The following UBASH3A variants were observed in gnomAD, a reference collection of about 807,000 sequenced individuals.
UBASH3A encodes the protein ubiquitin associated and SH3 domain containing A, also known as ubiquitin-associated and SH3 domain-containing protein A.
In UBASH3A, 63 loss-of-function variants were observed where a neutral mutation model predicts 73.5. The observed-to-expected ratio is 0.86, with a 90% CI of 0.70 to 1.06. UBASH3A has a LOEUF of 1.06. Ranked by LOEUF, UBASH3A falls within the 50% of genes least tolerant of loss-of-function variation. The pLI is 0.00. For missense variants in UBASH3A, 860 were observed against 859.0 expected (o/e 1.00, Z -0.02); for synonymous variants, 363 against 351.1 (o/e 1.03, Z -0.38).
chr21:42,418,293 A>G (rs2053263060), intron 6 of UBASH3A, 108 bp from the exon 7 acceptor site: 8 of 925,026 alleles, frequency 8.6e-6, no homozygotes, highest in Non-Finnish European at 1.4e-5. Context: ...CACAGAACAC[A>G]TTGGAGGGGC....
intron 8 of UBASH3A, among the ~76,000 whole-genome samples, chr21:42,427,713 C>T (rs2053462445): frequency 6.6e-6 from 1 of 152,288 alleles, no homozygotes; most frequent in East Asian, 1.9e-4. Context: ...CACGGCCAGG[C>T]CCCTGGTGCG....
intron 7 of UBASH3A, among the ~76,000 whole-genome samples, chr21:42,423,584 G>A (rs2053381286): frequency 2.0e-5 from 3 of 152,326 alleles, no homozygotes; most frequent in South Asian, 4.1e-4. Context: ...CTCTGCCCGG[G>A]ATGGGAGAGT....
At chr21:42,418,062 T>C (rs1286384197) in intron 6 of UBASH3A, among the ~76,000 whole-genome samples, 1 of 151,902 alleles carries the variant, frequency 6.6e-6, no homozygotes, top group Non-Finnish European at 1.5e-5. Flanking sequence ...TTTTGTATTT[T>C]CAGTAGAGAC....
intron 10 of UBASH3A, among the ~76,000 whole-genome samples, chr21:42,436,406 G>A (rs1422654975): frequency 6.6e-6 from 1 of 152,132 alleles, no homozygotes; most frequent in Non-Finnish European, 1.5e-5. Flanking sequence ...GGGAGGAGAT[G>A]GTGGTCCCAG....
In UBASH3A at chr21:42,443,120, G is replaced by A. The variant is rs949694866; in HGVS notation, c.1632-192G>A. 61 of 1,379,978 alleles carry A rather than the reference G, an allele frequency of 4.4e-5. No homozygotes were observed. In the Middle Eastern group the frequency reaches 5.7e-4, roughly 13 times the overall value. 85.5% of individuals were successfully genotyped at this position (1,379,978 alleles called of 1,614,324 possible). On this transcript the variant is annotated intron_variant, in intron 12 of 14. Transcript: ENST00000319294. ...AGCCCTCCTGGTGTTGAGTAAGAAT[G>A]TGTGCTGGAGATTGACTGTCAGTGC... is the stretch of plus-strand genomic sequence containing the variant.
rs1264836723 is a variant in UBASH3A at position 42,447,205 on chromosome 21, G to T, written c.*11G>T. 1 of 1,612,992 alleles carries T rather than the reference G, an allele frequency of 6.2e-7. No homozygotes were observed. The highest frequency in any genetic ancestry group is 8.5e-7 in the Non-Finnish European group (1 of 1,179,594). ...ATCTCAGGCAACTGAGAGCCACGGTGATGTTGTCATAACCTCAGAGTGGAG... is the reference window on the plus strand; with the variant it reads ...ATCTCAGGCAACTGAGAGCCACGGTTATGTTGTCATAACCTCAGAGTGGAG... On this transcript the variant is annotated 3_prime_UTR_variant, in exon 15 of 15. Coordinates refer to ENST00000319294, the MANE Select transcript of UBASH3A (RefSeq NM_018961.4).
At chr21:42,423,748 A>G (rs1281818436) in intron 7 of UBASH3A, among the ~76,000 whole-genome samples, 1 of 152,226 alleles carries the variant, frequency 6.6e-6, no homozygotes, top group Non-Finnish European at 1.5e-5. Flanking sequence ...TTTCCAGAGG[A>G]ACTTTCTCTT....
At chr21:42,444,382 G>A (rs1341007965) in intron 13 of UBASH3A, 152 bp from the exon 14 acceptor site, 16 of 680,894 alleles carry the variant, frequency 2.3e-5, no homozygotes, top group East Asian at 2.2e-4. Flanking sequence ...ATCACTGAGC[G>A]GTTACCAGCC....
intron 7 of UBASH3A, among the ~76,000 whole-genome samples, chr21:42,422,289 T>G (rs1156497092): frequency 3.3e-5 from 5 of 152,260 alleles, no homozygotes; most frequent in Non-Finnish European, 7.3e-5. Flanking sequence ...ATTGATGTGT[T>G]GACTCCTAAT....
At chr21:42,406,422 A>T in intron 2 of UBASH3A, 61 bp downstream of exon 2, 1 of 1,398,948 alleles carries the variant, frequency 7.1e-7, no homozygotes, top group Non-Finnish European at 1.0e-6. Flanking sequence ...GTGCCTAAGG[A>T]CTCCCTCCCA....
At chr21:42,426,629 G>A in intron 7 of UBASH3A, 68 bp from the exon 8 acceptor site, 1 of 1,584,592 alleles carries the variant, frequency 6.3e-7, no homozygotes, top group Non-Finnish European at 8.6e-7. Context: ...TACATGACCA[G>A]ATGCTGGGTC....
rs1285364071 is a variant in UBASH3A at position 42,413,540 on chromosome 21, C to T, written c.667+17C>T. On this transcript the variant is annotated intron_variant, in intron 5 of 14. Coordinates refer to ENST00000319294, the MANE Select transcript of UBASH3A (RefSeq NM_018961.4). This position sits in a 1 kb window ranked among gnomAD's most constrained non-coding sequence, Gnocchi z 4.5. Reference sequence around the variant, plus strand: ...TTCAAAAATGTAAGCCATTAGAAAGCTTCCGGACCAGCTTTGGTCTTCTCT... The same window carrying T: ...TTCAAAAATGTAAGCCATTAGAAAGTTTCCGGACCAGCTTTGGTCTTCTCT... 1 of 1,573,068 alleles carries T rather than the reference C, an allele frequency of 6.4e-7. No homozygotes were observed. The highest frequency in any genetic ancestry group is 1.1e-5 in the South Asian group (1 of 89,568).
At chr21:42,439,851 C>T (rs888973459) in intron 11 of UBASH3A, among the ~76,000 whole-genome samples, 3 of 146,338 alleles carry the variant, frequency 2.1e-5, no homozygotes, top group Non-Finnish European at 3.0e-5. Flanking sequence ...CAACACACAA[C>T]ACACACACCA....
intron 3 of UBASH3A, chr21:42,410,684 G>C (rs1019681544): frequency 6.4e-6 from 1 of 156,708 alleles, no homozygotes; most frequent in Non-Finnish European, 1.4e-5. Flanking sequence ...TGGAGCCAAC[G>C]GGGAAAGGCA....
chr21:42,406,438 G>A (rs372940838), intron 2 of UBASH3A, 77 bp downstream of exon 2: 2 of 1,279,892 alleles, frequency 1.6e-6, no homozygotes, highest in East Asian at 2.3e-5. Flanking sequence ...TCCCACCAGG[G>A]CTGATACCAG....
At position 42,443,315 on chromosome 21, in the gene UBASH3A, C is replaced by T. The variant is rs150519135; in HGVS notation, c.1635C>T (p.Pro545=). 4.5e-4 allele frequency: 721 copies of T among 1,612,262 alleles called. 10 individuals carry two copies. In the African/African-American group the frequency reaches 6.7e-3, roughly 15 times the overall value. The change falls in exon 13 of 15, where the codon CCC becomes CCT. Residue 545 remains proline (P), a synonymous_variant. Coordinates refer to ENST00000319294, the MANE Select transcript of UBASH3A (RefSeq NM_018961.4). ...CCTCTCCTTCTCATCCTTCCAGGCC[C>T]GCGTTTCCCCTGTCCGCCCTCATGC... ...ANFNIDTDYR[P]AFPLSALMPA...
At chr21:42,408,658 C>T (rs943300808) in intron 2 of UBASH3A, among the ~76,000 whole-genome samples, 7 of 151,894 alleles carry the variant, frequency 4.6e-5, no homozygotes, top group Admixed American at 2.0e-4. Context: ...AGAAAAATGC[C>T]GTCTCGGAGC....
chr21:42,428,136 G>A (rs572578483), intron 8 of UBASH3A, among the ~76,000 whole-genome samples: 20 of 152,302 alleles, frequency 1.3e-4, no homozygotes, highest in Non-Finnish European at 2.8e-4. Flanking sequence ...GCCCCAGAGA[G>A]AGGCCTCAAA....
At chr21:42,415,743 G>A (rs1353399763) in intron 5 of UBASH3A, among the ~76,000 whole-genome samples, 1 of 152,232 alleles carries the variant, frequency 6.6e-6, no homozygotes, top group African/African-American at 2.4e-5. Flanking sequence ...GCAAAAGGGG[G>A]CAAAGTGCAG....
Sources: allele counts gnomAD v4.1 joint callset (sites outside exome capture counted in the v4.1 genomes callset), GRCh38; gene constraint gnomAD v4.1.1; non-coding constraint Gnocchi (gnomAD v3.1); transcripts MANE v1.5; gene names NCBI Gene and HGNC (gene_info 2026-07-23, HGNC 2026-07-21).